The following KDELR2 variants were observed in gnomAD, a reference collection of about 807,000 sequenced individuals.
KDELR2 encodes KDEL endoplasmic reticulum protein retention receptor 2.
KDELR2 carries 15 observed loss-of-function variants against 23.9 expected under a neutral mutation model. The ratio of observed to expected loss-of-function variants is 0.63; its 90% CI spans 0.42 to 0.97. KDELR2 has a LOEUF of 0.97. Ranked by LOEUF, KDELR2 falls within the 50% of genes least tolerant of loss-of-function variation. The pLI is 0.00. For missense variants in KDELR2, 272 were observed against 254.6 expected (o/e 1.07, Z -0.46); for synonymous variants, 119 against 106.2 (o/e 1.12, Z -0.74).
chr7:6,478,560 G>A (rs1467193838), intron 1 of KDELR2, among the ~76,000 whole-genome samples: 1 of 152,080 alleles, frequency 6.6e-6, no homozygotes, highest in Non-Finnish European at 1.5e-5. Context: ...GTTTTTATTT[G>A]TAGGAGTACT....
intron 2 of KDELR2, among the ~76,000 whole-genome samples, chr7:6,473,575 GT>G (rs1307032284): frequency 6.6e-6 from 1 of 152,178 alleles, no homozygotes; most frequent in African/African-American, 2.4e-5. Flanking sequence ...CAACAAAGGT[GT>G]TATAGATACT....
chr7:6,464,995 C>G (rs1785470806), intron 4 of KDELR2, among the ~76,000 whole-genome samples: 1 of 151,878 alleles, frequency 6.6e-6, no homozygotes, highest in African/African-American at 2.4e-5. Context: ...CTCGGCCTCC[C>G]AAAGTGCTGA....
At chr7:6,466,348 A>G (rs765407312) in intron 3 of KDELR2, 25 bp from the exon 4 acceptor site, 3 of 1,608,998 alleles carry the variant, frequency 1.9e-6, no homozygotes, top group South Asian at 2.2e-5. Flanking sequence ...GCAAGCTTCC[A>G]TCACGACCCA....
intron 3 of KDELR2, among the ~76,000 whole-genome samples, chr7:6,466,815 G>A (rs891449759): frequency 2.0e-5 from 3 of 151,984 alleles, no homozygotes; most frequent in East Asian, 3.9e-4. Context: ...ATGCTCCTAT[G>A]AGAATTGAAT....
In KDELR2 at chr7:6,474,289, A is replaced by G; in HGVS notation, c.92-5T>C. 6.3e-7 allele frequency: 1 copy of G among 1,593,410 alleles called. No individual in the cohort carries two copies. Among genetic ancestry groups the G allele is most frequent in the Non-Finnish European group, 8.6e-7 (1 of 1,161,190 alleles). On this transcript the variant is annotated splice_polypyrimidine_tract_variant and splice_region_variant and intron_variant, in intron 1 of 4. Coordinates refer to ENST00000258739, the MANE Select transcript of KDELR2 (RefSeq NM_006854.4). ...GCTGGCTTTTCCCAGAAATACCTAG[A>G]GAAACAGAAGGGAAGTATTAGAAGG...
chr7:6,482,027 G>T (rs926068464), intron 1 of KDELR2, among the ~76,000 whole-genome samples: 4 of 150,864 alleles, frequency 2.7e-5, no homozygotes, highest in African/African-American at 9.7e-5. Flanking sequence ...ATTTAGAGAC[G>T]GTTTCGCTCT....
At chr7:6,463,311 T>C in intron 4 of KDELR2, 136 bp from the exon 5 acceptor site, 1 of 672,994 alleles carries the variant, frequency 1.5e-6, no homozygotes, top group Non-Finnish European at 2.4e-6. Context: ...CAATTGTATT[T>C]TAAAAATACA....
At chr7:6,475,530 G>A (rs1785733644) in intron 1 of KDELR2, among the ~76,000 whole-genome samples, 1 of 152,214 alleles carries the variant, frequency 6.6e-6, no homozygotes, top group African/African-American at 2.4e-5. Context: ...ACTACAGCTG[G>A]TCTTCAAAAG....
In KDELR2 at chr7:6,466,154, C is replaced by T. The variant is rs1374644933; in HGVS notation, c.521G>A (p.Gly174Asp). 8 of 1,614,006 alleles carry T rather than the reference C, an allele frequency of 5.0e-6. No homozygotes were observed. The African/African-American group carries it at 1.1e-4, about 22-fold the overall frequency. The change falls in exon 4 of 5, where the codon GGC becomes GAC. Residue 174 changes from glycine (G) to aspartate (D), a missense_variant. Physicochemically the swap from Gly to Asp is moderately conservative, Grantham distance 94. Transcript: ENST00000258739. ...VNWIWRFYFEGFFDLIAVVAG... is the reference protein window; with the variant it reads ...VNWIWRFYFEDFFDLIAVVAG... ...CACCACAGCAATGAGGTCAAAGAAG[C>T]CCTCAAAGTAGAAGCGCCAGATCCA...
In KDELR2 at chr7:6,476,190, A is replaced by G. The variant is rs1785748527; in HGVS notation, c.92-1906T>C. Among the ~76,000 whole-genome samples, 3 of 152,370 alleles carry G rather than the reference A, an allele frequency of 2.0e-5. No homozygotes were observed. The South Asian group carries it at 6.2e-4, about 32-fold the overall frequency. On this transcript the variant is annotated intron_variant, in intron 1 of 4. Coordinates refer to ENST00000258739, the MANE Select transcript of KDELR2 (RefSeq NM_006854.4). ...GTTACTTTCTCAGATGAATAACTGT[A>G]GTCTCAGCCTATTCACATACACATC...
At chr7:6,483,226 G>A (rs974834514) in intron 1 of KDELR2, among the ~76,000 whole-genome samples, 1 of 152,120 alleles carries the variant, frequency 6.6e-6, no homozygotes, top group Non-Finnish European at 1.5e-5. Context: ...CCCGGGCGCC[G>A]CAGTTTTAAG....
chr7:6,470,994 A>G (rs905340328), intron 2 of KDELR2, among the ~76,000 whole-genome samples: 4 of 151,088 alleles, frequency 2.6e-5, no homozygotes, highest in African/African-American at 9.7e-5. Context: ...GCGGGTGCCT[A>G]TAGTTCCAGC....
intron 1 of KDELR2, among the ~76,000 whole-genome samples, chr7:6,474,682 T>G (rs983966793): frequency 1.3e-5 from 2 of 152,330 alleles, no homozygotes; most frequent in African/African-American, 4.8e-5. Context: ...TGTTTTCCCC[T>G]GAGACAGGGT....
rs74999983 is a variant in KDELR2, at chr7:6,476,085, T to A, written c.92-1801A>T. 5.0e-3 allele frequency among the ~76,000 whole-genome samples: 762 copies of A among 152,244 alleles called. 5 individuals carry two copies. The highest frequency in any genetic ancestry group is 0.018 in the African/African-American group (738 of 41,542). ...GTGCACCACCACACCTGGCTAATAT[T>A]TGTATTACATGTTGTTTTTCAATAT... On this transcript the variant is annotated intron_variant, in intron 1 of 4. Coordinates refer to ENST00000258739, the MANE Select transcript of KDELR2 (RefSeq NM_006854.4).
At chr7:6,482,832 C>CAA (rs10525658) in intron 1 of KDELR2, among the ~76,000 whole-genome samples, 203 of 122,904 alleles carry the variant, frequency 1.7e-3, no homozygotes, top group Non-Finnish European at 3.1e-3. Context: ...CAAAAAATAG[C>CAA]AAAAAAAAAA....
chr7:6,474,968 T>A (rs540030197), intron 1 of KDELR2, among the ~76,000 whole-genome samples: 1 of 152,132 alleles, frequency 6.6e-6, no homozygotes, highest in Non-Finnish European at 1.5e-5. Context: ...AGTATCTCCA[T>A]GGTGAGAAAT....
At chr7:6,469,797 C>G (rs768551237) in intron 2 of KDELR2, 43 bp from the exon 3 acceptor site, 12 of 1,538,502 alleles carry the variant, frequency 7.8e-6, no homozygotes, top group Non-Finnish European at 1.1e-5. Context: ...TACCTTGCCA[C>G]TGTTCCAGCA....
At chr7:6,474,335 C>G (rs1340279660) in intron 1 of KDELR2, 51 bp from the exon 2 acceptor site, 17 of 1,265,252 alleles carry the variant, frequency 1.3e-5, no homozygotes, top group Non-Finnish European at 1.9e-5. Context: ...CTTTGGGATT[C>G]CTGTGGATCA....
chr7:6,482,454 T>G, intron 1 of KDELR2: 2 of 396,970 alleles, frequency 5.0e-6, no homozygotes, highest in South Asian at 3.7e-5. Flanking sequence ...CAGAACTATG[T>G]ATCAACTGAG....
Sources: allele counts gnomAD v4.1 joint callset (sites outside exome capture counted in the v4.1 genomes callset), GRCh38; gene constraint gnomAD v4.1.1; transcripts MANE v1.5; gene names NCBI Gene and HGNC (gene_info 2026-07-23, HGNC 2026-07-21).